The following SMAP1 variants were observed in gnomAD, a reference collection of about 807,000 sequenced individuals.
SMAP1 encodes small ArfGAP 1.
A neutral mutation model predicts 58.5 loss-of-function variants in SMAP1; 24 were observed. That is an observed-to-expected ratio of 0.41 (90% confidence interval 0.30 to 0.58). SMAP1 has a LOEUF of 0.58. SMAP1 is among the 20% of genes least tolerant of loss of function. The pLI, the probability that SMAP1 is intolerant of heterozygous loss-of-function variation, is 0.29. For missense variants in SMAP1, 563 were observed against 566.3 expected (o/e 0.99, Z 0.06); for synonymous variants, 216 against 196.6 (o/e 1.10, Z -0.82).
intron 5 of SMAP1, among the ~76,000 whole-genome samples, chr6:70,792,533 T>C (rs1466017811): frequency 2.0e-5 from 3 of 151,910 alleles, no homozygotes; most frequent in Non-Finnish European, 4.4e-5. Flanking sequence ...TAATACAATA[T>C]ATTATGGGCT....
At chr6:70,803,677 A>C (rs1025295050) in intron 6 of SMAP1, among the ~76,000 whole-genome samples, 3 of 152,224 alleles carry the variant, frequency 2.0e-5, no homozygotes, top group African/African-American at 7.2e-5. Context: ...TGTGTCCCAG[A>C]TATTCTGGTA....
chr6:70,825,738 T>G (rs2149986584), intron 6 of SMAP1, among the ~76,000 whole-genome samples: 1 of 152,324 alleles, frequency 6.6e-6, no homozygotes, highest in East Asian at 1.9e-4. Context: ...ATTGGATACT[T>G]GTAAGAGTGA....
intron 9 of SMAP1, 91 bp from the exon 10 acceptor site, chr6:70,857,831 A>G: frequency 7.2e-7 from 1 of 1,386,274 alleles, no homozygotes; most frequent in Non-Finnish European, 9.9e-7. Flanking sequence ...TGCTGTGAGT[A>G]GTTCAGAAAG....
At chr6:70,806,892 T>C (rs907644842) in intron 6 of SMAP1, among the ~76,000 whole-genome samples, 22 of 152,214 alleles carry the variant, frequency 1.4e-4, no homozygotes, top group Admixed American at 1.1e-3. Flanking sequence ...TGCTCAGTGT[T>C]ACTAGTTGCT....
intron 7 of SMAP1, chr6:70,837,859 C>CA: frequency 3.1e-5 from 39 of 1,255,998 alleles, no homozygotes; most frequent in Non-Finnish European, 3.9e-5. Flanking sequence ...TACTGCTTTC[C>CA]AAAAAATTGA....
At chr6:70,829,741 G>A (rs1770283533) in intron 6 of SMAP1, among the ~76,000 whole-genome samples, 1 of 152,152 alleles carries the variant, frequency 6.6e-6, no homozygotes, top group African/African-American at 2.4e-5. Flanking sequence ...AATTTGAGAT[G>A]TCAGTTTTAA....
chr6:70,754,024 A>G (rs1394828594), intron 2 of SMAP1, among the ~76,000 whole-genome samples: 3 of 152,076 alleles, frequency 2.0e-5, no homozygotes, highest in Admixed American at 6.6e-5. Flanking sequence ...GAGGGCTACA[A>G]CTCAACGCAG....
At chr6:70,799,244 A>G (rs1271502811) in intron 6 of SMAP1, among the ~76,000 whole-genome samples, 1 of 152,202 alleles carries the variant, frequency 6.6e-6, no homozygotes, top group East Asian at 1.9e-4. Flanking sequence ...TTGTCTATGT[A>G]TAGAAACTAG....
chr6:70,668,187 C>T (rs1317278643), intron 1 of SMAP1, 46 bp downstream of exon 1: 5 of 1,516,358 alleles, frequency 3.3e-6, no homozygotes, highest in East Asian at 2.5e-5. Flanking sequence ...CTCTTGCGAC[C>T]GGTGACCTTC....
chr6:70,836,775 C>T (rs1364188432), intron 6 of SMAP1, among the ~76,000 whole-genome samples, 166 bp from the exon 7 acceptor site: 2 of 152,204 alleles, frequency 1.3e-5, no homozygotes, highest in Non-Finnish European at 1.5e-5. Flanking sequence ...CTTCAACAGT[C>T]ATGTTCGCTT....
chr6:70,692,411 T>C (rs1244602630), intron 1 of SMAP1, among the ~76,000 whole-genome samples: 1 of 152,258 alleles, frequency 6.6e-6, no homozygotes, highest in East Asian at 1.9e-4. Context: ...TTGTTTCCTT[T>C]GTTGTGCCAA....
At chr6:70,807,468 G>T (rs995536616) in intron 6 of SMAP1, among the ~76,000 whole-genome samples, 5 of 152,098 alleles carry the variant, frequency 3.3e-5, no homozygotes, top group Non-Finnish European at 5.9e-5. Context: ...TCATTCACTG[G>T]ACATTTCTAT....
chr6:70,811,515 T>G (rs534021822), intron 6 of SMAP1, among the ~76,000 whole-genome samples: 1 of 152,202 alleles, frequency 6.6e-6, no homozygotes, highest in South Asian at 2.1e-4. Flanking sequence ...AGGCTTCCTT[T>G]GAATATAGTT....
chr6:70,736,023 A>C (rs933019087), intron 2 of SMAP1, among the ~76,000 whole-genome samples: 1 of 151,986 alleles, frequency 6.6e-6, no homozygotes, highest in Non-Finnish European at 1.5e-5. Context: ...GTGTGTGTGT[A>C]TAATTCTGTA....
chr6:70,818,004 A>G (rs1769715369), intron 6 of SMAP1, among the ~76,000 whole-genome samples: 1 of 152,212 alleles, frequency 6.6e-6, no homozygotes, highest in Non-Finnish European at 1.5e-5. Flanking sequence ...TTGCTGCTCA[A>G]GAACCGTCAG....
At chr6:70,783,040 G>T (rs1767829060) in intron 4 of SMAP1, among the ~76,000 whole-genome samples, 1 of 152,194 alleles carries the variant, frequency 6.6e-6, no homozygotes, top group Non-Finnish European at 1.5e-5. Flanking sequence ...TCCCCTAGTA[G>T]GGGCAGACTG....
Position 70,860,903 on chromosome 6 carries a change from C to T in SMAP1, c.*569C>T. On this transcript the variant is annotated 3_prime_UTR_variant, in exon 11 of 11. Coordinates refer to ENST00000370455, the MANE Select transcript of SMAP1 (RefSeq NM_001044305.3). ...AAGGAAGATAAACGTGGATGTTACT[C>T]CAAAACTTCGTTTAATGAATGCTTA... 2.6e-6 allele frequency: 1 copy of T among 388,216 alleles called. No homozygotes were observed. Among genetic ancestry groups the T allele is most frequent in the Non-Finnish European group, 4.6e-6 (1 of 219,548 alleles). The allele number at this position is 388,216 out of a possible 1,614,324, so 24.0% of individuals were successfully genotyped here. A position where few individuals can be genotyped will look rare whatever the true frequency, so the allele number is the denominator to read the frequency against.
intron 1 of SMAP1, among the ~76,000 whole-genome samples, chr6:70,704,456 T>C (rs931125801): frequency 6.6e-6 from 1 of 152,240 alleles, no homozygotes; most frequent in African/African-American, 2.4e-5. Context: ...GATTTTTTTT[T>C]CAAGTCAAAT....
intron 3 of SMAP1, 115 bp from the exon 4 acceptor site, chr6:70,773,235 C>A: frequency 1.6e-6 from 1 of 622,242 alleles, no homozygotes; most frequent in South Asian, 2.0e-5. Flanking sequence ...AAAGAGAGCA[C>A]AGATTGAGGA....
Sources: allele counts gnomAD v4.1 joint callset (sites outside exome capture counted in the v4.1 genomes callset), GRCh38; gene constraint gnomAD v4.1.1; transcripts MANE v1.5; gene names NCBI Gene and HGNC (gene_info 2026-07-23, HGNC 2026-07-21).